HIVEP1: variants seen among roughly 807,000 people sequenced by gnomAD.
The protein encoded by HIVEP1 is HIVEP zinc finger 1, also known as zinc finger protein 40.
Under a neutral mutation model 180.0 loss-of-function variants are expected in HIVEP1, and 36 were observed. The ratio of observed to expected loss-of-function variants is 0.20; its 90% CI spans 0.15 to 0.26. The LOEUF (loss-of-function observed/expected upper bound fraction) is 0.26, where lower values mean the gene tolerates loss of function less well. HIVEP1 is among the 10% of genes least tolerant of loss of function. The pLI is 1.00. For missense variants in HIVEP1, 3,143 were observed against 3,268.7 expected (o/e 0.96, Z 0.94); for synonymous variants, 1,239 against 1,239.0 (o/e 1.00, Z 0.00).
At chr6:12,103,012 T>A (rs188697666) in intron 3 of HIVEP1, among the ~76,000 whole-genome samples, 39 of 152,198 alleles carry the variant, frequency 2.6e-4, no homozygotes, top group Admixed American at 1.1e-3. Flanking sequence ...TCAAATAAAA[T>A]ATATGTTTAT....
intron 7 of HIVEP1, among the ~76,000 whole-genome samples, chr6:12,137,147 G>A (rs551346330): frequency 1.2e-3 from 188 of 152,292 alleles, no homozygotes; most frequent in Middle Eastern, 3.4e-3. Flanking sequence ...CAATTCAGTT[G>A]TAAAAAGCTA....
At chr6:12,016,833 A>G (rs1372065924) in intron 2 of HIVEP1, among the ~76,000 whole-genome samples, 1 of 152,082 alleles carries the variant, frequency 6.6e-6, no homozygotes, top group Non-Finnish European at 1.5e-5. Flanking sequence ...CTCCCTAGAG[A>G]CTCACTCTCA....
At chr6:12,181,300 C>T in the HIVEP1 span, among the ~76,000 whole-genome samples, 1 of 152,040 alleles carries the variant, frequency 6.6e-6, no homozygotes, top group African/African-American at 2.4e-5. Context: ...GCAGAGGTTA[C>T]AGTGAGCTGA....
At chr6:12,175,857 C>T in the HIVEP1 span, among the ~76,000 whole-genome samples, 14 of 152,254 alleles carry the variant, frequency 9.2e-5, no homozygotes, top group Admixed American at 3.9e-4. Context: ...AGGGAGGGTA[C>T]GTATTGCCTG....
At chr6:12,108,560 G>C (rs1001678323) in intron 3 of HIVEP1, among the ~76,000 whole-genome samples, 1 of 152,252 alleles carries the variant, frequency 6.6e-6, no homozygotes, top group Non-Finnish European at 1.5e-5. Flanking sequence ...TGCCCGGCGA[G>C]AAATCGAGCG....
At chr6:12,013,146 GTCC>G (rs1178226703) in intron 1 of HIVEP1, among the ~76,000 whole-genome samples, 4 of 152,204 alleles carry the variant, frequency 2.6e-5, no homozygotes, top group East Asian at 1.9e-4. Context: ...GCCTCATCTC[GTCC>G]TCCTCCTCCT....
At chr6:12,031,045 CTTA>C (rs1768905981) in intron 2 of HIVEP1, among the ~76,000 whole-genome samples, 1 of 151,656 alleles carries the variant, frequency 6.6e-6, no homozygotes, top group African/African-American at 2.4e-5. Flanking sequence ...TTTTTGTTTT[CTTA>C]TGTTTTACTT....
chr6:12,140,957 C>T (rs1561993382), intron 7 of HIVEP1, among the ~76,000 whole-genome samples: 1 of 152,108 alleles, frequency 6.6e-6, no homozygotes, highest in Non-Finnish European at 1.5e-5. Context: ...GGGATATTAT[C>T]CAGGAGAACT....
At chr6:12,200,759 C>A in the HIVEP1 span, among the ~76,000 whole-genome samples, 1 of 152,226 alleles carries the variant, frequency 6.6e-6, no homozygotes, top group African/African-American at 2.4e-5. Flanking sequence ...TGCCTCATGC[C>A]TGGAATATAT....
At chr6:12,030,614 T>C (rs1768879638) in intron 2 of HIVEP1, among the ~76,000 whole-genome samples, 1 of 152,218 alleles carries the variant, frequency 6.6e-6, no homozygotes, top group Non-Finnish European at 1.5e-5. Flanking sequence ...GAATTTCTAT[T>C]TGCTTCTCTG....
chr6:12,182,853 C>T, the HIVEP1 span, among the ~76,000 whole-genome samples: 4 of 152,110 alleles, frequency 2.6e-5, no homozygotes, highest in Non-Finnish European at 5.9e-5. Context: ...AATGCCTTTG[C>T]GATTACAAAT....
chr6:12,072,410 C>G (rs1581627603), intron 2 of HIVEP1, among the ~76,000 whole-genome samples: 2 of 152,124 alleles, frequency 1.3e-5, no homozygotes, highest in South Asian at 4.1e-4. Context: ...TCGTGCCCCT[C>G]CCTTTCCTCA....
chr6:12,162,249 C>T (rs1326267079), intron 8 of HIVEP1, among the ~76,000 whole-genome samples: 1 of 148,906 alleles, frequency 6.7e-6, no homozygotes, highest in South Asian at 2.1e-4. Context: ...GTGACAGTGG[C>T]GAACACAAGT....
At chr6:12,056,108 G>GA (rs1288225219) in intron 2 of HIVEP1, among the ~76,000 whole-genome samples, 1 of 152,028 alleles carries the variant, frequency 6.6e-6, no homozygotes, top group Non-Finnish European at 1.5e-5. Context: ...CTGGAATAGA[G>GA]AAACTAAGGT....
At chr6:12,147,729 C>G (rs1307529835) in intron 7 of HIVEP1, among the ~76,000 whole-genome samples, 2 of 152,166 alleles carry the variant, frequency 1.3e-5, no homozygotes, top group Admixed American at 6.5e-5. Flanking sequence ...CTCTCATTCT[C>G]CACCAGATGG....
In HIVEP1 at chr6:12,123,821, C is replaced by T. The variant is rs752546750; in HGVS notation, c.4026C>T (p.Ala1342=). Residue 1342 remains alanine, a synonymous_variant, in exon 4 of 9, where the codon GCC becomes GCT. Transcript: ENST00000379388. ...ASPKIDFLNK[A]EFLMIPAGLN... ...CCAAAATCGATTTTCTAAATAAAGC[C>T]GAGTTTCTTATGATTCCAGCTGGCT... The T allele has an allele frequency of 1.3e-5, 21 of 1,613,980 alleles. No homozygotes were observed. Among genetic ancestry groups the T allele is most frequent in the East Asian group, 4.5e-5 (2 of 44,896 alleles).
At chr6:12,009,044 G>GGAGGGCC (rs1318727076), upstream of HIVEP1, among the ~76,000 whole-genome samples, 44 of 151,368 alleles carry the variant, frequency 2.9e-4, no homozygotes, top group African/African-American at 9.4e-4. Flanking sequence ...GGCGGAGGGC[G>GGAGGGCC]GAGGGCCGAG....
chr6:12,011,544 C>T (rs1471434133), upstream of HIVEP1, among the ~76,000 whole-genome samples: 2 of 150,202 alleles, frequency 1.3e-5, no homozygotes, highest in Non-Finnish European at 3.0e-5. Context: ...ACCCAGGGCT[C>T]CCGCCCCCCG....
chr6:12,093,199 C>T (rs1383042236), intron 3 of HIVEP1, among the ~76,000 whole-genome samples: 1 of 152,028 alleles, frequency 6.6e-6, no homozygotes, highest in Non-Finnish European at 1.5e-5. Flanking sequence ...TTTGTATTCC[C>T]CCTTACTGAA....
Sources: gnomAD v4.1 joint callset for allele counts (sites outside exome capture counted in the v4.1 genomes callset) on GRCh38, gnomAD v4.1.1 for gene constraint, MANE v1.5 for transcripts, NCBI Gene and HGNC (gene_info 2026-07-23, HGNC 2026-07-21) for gene names.